RAX: variants seen among roughly 807,000 people sequenced by gnomAD.
RAX encodes retina and anterior neural fold homeobox, also known as retinal homeobox protein Rx.
RAX carries 11 observed loss-of-function variants against 17.4 expected under a neutral mutation model. That is an observed-to-expected ratio of 0.63 (90% confidence interval 0.40 to 1.05). RAX has a LOEUF of 1.05. Ranked by LOEUF, RAX falls within the 50% of genes least tolerant of loss-of-function variation. The pLI is 0.00. For synonymous variants in RAX, 276 were observed against 254.7 expected, an observed-to-expected ratio of 1.08 and a Z score of -0.80; for missense variants, 527 against 501.1, an observed-to-expected ratio of 1.05 and a Z score of -0.49.
In RAX at chr18:59,269,411, A is replaced by G; in HGVS notation, c.634T>C (p.Phe212Leu). The change falls in exon 3 of 3, where the codon TTC becomes CTC. Residue 212 changes from phenylalanine to leucine, a missense_variant. By Grantham distance (22) the Phe-to-Leu change is conservative (BLOSUM62 0). Coordinates refer to ENST00000334889, the MANE Select transcript of RAX (RefSeq NM_013435.3). Reference sequence around the variant, plus strand: ...GTCGCGGAGGGCGGGGAGCGGCTGAAGGAGAGGAGGGGCGAGTCCTGCAGC... The same window carrying G: ...GTCGCGGAGGGCGGGGAGCGGCTGAGGGAGAGGAGGGGCGAGTCCTGCAGC... ...MKLQDSPLLS[F>L]SRSPPSATLS... 3.8e-6 allele frequency: 6 copies of G among 1,559,956 alleles called. No homozygotes were observed. Among genetic ancestry groups the G allele is most frequent in the Non-Finnish European group, 5.2e-6 (6 of 1,161,370 alleles).
Position 59,269,182 on chromosome 18 carries a change from G to T in RAX, c.863C>A (p.Pro288Gln), listed in dbSNP as rs538022273. The stretch of plus-strand genomic sequence containing the variant: ...GAGAGGTTGCAGGCCGGGGCCCAAC[G>T]GCGGGGAGTTCAGGAAGGGCGGAGG... ...PPPPPFLNSP[P>Q]LGPGLQPLAP... Residue 288 changes from proline to glutamine, a missense_variant, in exon 3 of 3, where the codon CCG becomes CAG. Pro to Gln is a moderately conservative substitution (Grantham distance 76, BLOSUM62 -1). Transcript: ENST00000334889. 1,148 of 1,553,686 alleles carry T rather than the reference G, an allele frequency of 7.4e-4. No homozygotes were observed. Among genetic ancestry groups the T allele is most frequent in the Non-Finnish European group, 9.7e-4 (1,110 of 1,148,662 alleles).
chr18:59,270,178 G>C (rs1049729546), intron 2 of RAX, among the ~76,000 whole-genome samples: 3 of 152,146 alleles, frequency 2.0e-5, no homozygotes, highest in Non-Finnish European at 4.4e-5. Context: ...ATGATAACTA[G>C]ATAGGAGCAA....
At position 59,272,928 on chromosome 18, in the gene RAX, G is replaced by A. The variant is rs780219769; in HGVS notation, c.279C>T (p.Pro93=). ...PSPPPAPAPA[P]EYEAPRPYCP... ...GGGGTGCGCACTCACCTTCGTACTCGGGGGCGGGCGCCGGGGCTGGCGGCG... is the reference window on the plus strand; with the variant it reads ...GGGGTGCGCACTCACCTTCGTACTCAGGGGCGGGCGCCGGGGCTGGCGGCG... The change falls in exon 1 of 3, where the codon CCC becomes CCT. Residue 93 remains proline (P), a synonymous_variant. Coordinates refer to ENST00000334889, the MANE Select transcript of RAX (RefSeq NM_013435.3). 1.3e-5 allele frequency: 19 copies of A among 1,471,120 alleles called. No individual in the cohort carries two copies. The highest frequency in any genetic ancestry group is 1.6e-5 in the Non-Finnish European group (18 of 1,129,442). 91.1% of individuals were successfully genotyped at this position (1,471,120 alleles called of 1,614,324 possible).
At chr18:59,272,156 T>C (rs2070342634) in intron 2 of RAX, among the ~76,000 whole-genome samples, 1 of 152,216 alleles carries the variant, frequency 6.6e-6, no homozygotes, top group Non-Finnish European at 1.5e-5. Flanking sequence ...AAAGGGGAGC[T>C]CGTACTACAA....
In RAX at chr18:59,272,713, C is replaced by T; in HGVS notation, c.290-99G>A. On this transcript the variant is annotated intron_variant, in intron 1 of 2. Coordinates refer to ENST00000334889, the MANE Select transcript of RAX (RefSeq NM_013435.3). ...GCACTGGCCAGCCCGCCTGCGGGCT[C>T]CGAGATGGCCCGGGGAGGTCCGTGG... 6 of 1,451,986 alleles carry T rather than the reference C, an allele frequency of 4.1e-6. No individual in the cohort carries two copies. The Admixed American group carries it at 7.5e-5, about 18-fold the overall frequency. 89.9% of individuals were successfully genotyped at this position (1,451,986 alleles called of 1,614,324 possible).
In RAX at chr18:59,267,641, C is replaced by G. The variant is rs1033066465; in HGVS notation, c.*1363G>C. 1.4e-5 allele frequency: 2 copies of G among 148,106 alleles called. No individual in the cohort carries two copies. The highest frequency in any genetic ancestry group is 6.7e-5 in the Admixed American group (1 of 14,894). 9.2% of individuals were successfully genotyped at this position (148,106 alleles called of 1,614,324 possible). A position where few individuals can be genotyped will look rare whatever the true frequency, so the allele number is the denominator to read the frequency against. ...GGTTGTGGGGTGGACGCCCCCCCCC[C>G]CCCCGTGCCAGGACCTGTTGGCGGG... On this transcript the variant is annotated 3_prime_UTR_variant, in exon 3 of 3. Coordinates refer to ENST00000334889, the MANE Select transcript of RAX (RefSeq NM_013435.3).
Position 59,269,452 on chromosome 18 carries a change from T to C in RAX, c.593A>G (p.Glu198Gly). Residue 198 changes from glutamate (E) to glycine (G), a missense_variant, in exon 3 of 3, where the codon GAA becomes GGA. Physicochemically the swap from Glu to Gly is moderately conservative, Grantham distance 98. Transcript: ENST00000334889. Reference protein sequence around the residue: ...RAKWRRQEKLEVSSMKLQDSP... With the variant: ...RAKWRRQEKLGVSSMKLQDSP... Reference sequence around the variant, plus strand: ...GTCCTGCAGCTTCATGGAGGACACTTCCAGCTTCTCCTGCCGCCGCCACTT... The same window carrying C: ...GTCCTGCAGCTTCATGGAGGACACTCCCAGCTTCTCCTGCCGCCGCCACTT... 4.4e-6 allele frequency: 7 copies of C among 1,594,028 alleles called. No individual in the cohort carries two copies. Among genetic ancestry groups the C allele is most frequent in the Non-Finnish European group, 5.9e-6 (7 of 1,178,426 alleles).
At chr18:59,269,925 TC>T in intron 2 of RAX, among the ~76,000 whole-genome samples, 1 of 152,106 alleles carries the variant, frequency 6.6e-6, no homozygotes, top group African/African-American at 2.4e-5. Context: ...CGCAATCGAA[TC>T]GTAGAACTTT....
chr18:59,270,089 G>A (rs1214954297), intron 2 of RAX, among the ~76,000 whole-genome samples: 2 of 152,046 alleles, frequency 1.3e-5, no homozygotes, highest in Non-Finnish European at 2.9e-5. Flanking sequence ...TCTAAATACA[G>A]GTATAAATAA....
rs368705776 is a variant in RAX, at chr18:59,269,133, C to T, written c.912G>A (p.Pro304=). 1.9e-6 allele frequency: 3 copies of T among 1,604,688 alleles called. No homozygotes were observed. The highest frequency in any genetic ancestry group is 1.7e-5 in the Admixed American group (1 of 58,862). The change falls in exon 3 of 3, where the codon CCG becomes CCA. Residue 304 remains proline (P), a synonymous_variant. Transcript: ENST00000334889. ...QPLAPPPPSY[P]CGPGFGDKFP... Reference sequence around the variant, plus strand: ...ACTTGTCCCCGAAGCCGGGCCCGCACGGGTAGGAGGGCGGCGGCGGCGCGA... The same window carrying T: ...ACTTGTCCCCGAAGCCGGGCCCGCATGGGTAGGAGGGCGGCGGCGGCGCGA...
At chr18:59,272,754 G>T in intron 1 of RAX, 140 bp from the exon 2 acceptor site, 1 of 1,371,368 alleles carries the variant, frequency 7.3e-7, no homozygotes, top group Non-Finnish European at 9.6e-7. Context: ...GCGGCGATGG[G>T]TCCTAAGCTT....
chr18:59,267,773 T>C lies in RAX; in HGVS notation c.*1231A>G, dbSNP rs916579306. The C allele has an allele frequency of 1.4e-4, 22 of 152,230 alleles. No homozygotes were observed. The highest frequency in any genetic ancestry group is 5.1e-4 in the African/African-American group (21 of 41,498). 9.4% of individuals were successfully genotyped at this position (152,230 alleles called of 1,614,324 possible). On this transcript the variant is annotated 3_prime_UTR_variant, in exon 3 of 3. Transcript: ENST00000334889. ...TCCTTCTTCAGAGAGTCTCAGGAGATTGTGAAGCGGGCTGAGATTTCGAGA... is the reference window on the plus strand; with the variant it reads ...TCCTTCTTCAGAGAGTCTCAGGAGACTGTGAAGCGGGCTGAGATTTCGAGA...
chr18:59,272,239 G>C (rs2070343350), intron 2 of RAX, 122 bp downstream of exon 2: 5 of 1,348,696 alleles, frequency 3.7e-6, no homozygotes, highest in African/African-American at 1.4e-5. Context: ...GAGACTCTGG[G>C]CATGCCAAGT....
Position 59,268,941 on chromosome 18 carries a change from A to G in RAX, c.*63T>C, listed in dbSNP as rs1301465247. On this transcript the variant is annotated 3_prime_UTR_variant, in exon 3 of 3. Coordinates refer to ENST00000334889, the MANE Select transcript of RAX (RefSeq NM_013435.3). The surrounding 1 kb of genome is among the most constrained non-coding windows in gnomAD (Gnocchi z 4.4). ...GCTGGGGAGGGGGGTTGTCCCTGGG[A>G]GAGAGGATGCGGGTACGGTGCGGTC... 1.9e-6 allele frequency: 3 copies of G among 1,611,794 alleles called. No homozygotes were observed. Among genetic ancestry groups the G allele is most frequent in the Non-Finnish European group, 2.5e-6 (3 of 1,179,370 alleles).
Position 59,269,046 on chromosome 18 carries a change from C to T in RAX, c.999G>A (p.Lys333=). Residue 333 remains lysine, a synonymous_variant, in exon 3 of 3, where the codon AAG becomes AAA. Transcript: ENST00000334889. The stretch of plus-strand genomic sequence containing the variant: ...GCTTCCCGATGGCCTGGATGTGCTC[C>T]TTGGCTTTCAGACGCAGCGCCGCGA... The part of the protein sequence containing the change: ...SSIAALRLKA[K]EHIQAIGKPW... 1 of 1,613,042 alleles carries T rather than the reference C, an allele frequency of 6.2e-7. No homozygotes were observed. Among genetic ancestry groups the T allele is most frequent in the Non-Finnish European group, 8.5e-7 (1 of 1,179,848 alleles).
At position 59,269,127 on chromosome 18, in the gene RAX, C is replaced by A; in HGVS notation, c.918G>T (p.Gly306=). 9 of 1,606,658 alleles carry A rather than the reference C, an allele frequency of 5.6e-6. No homozygotes were observed. Among genetic ancestry groups the A allele is most frequent in the Non-Finnish European group, 7.6e-6 (9 of 1,176,930 alleles). The change falls in exon 3 of 3, where the codon GGG becomes GGT. Residue 306 remains glycine, a synonymous_variant. Transcript: ENST00000334889. The stretch of plus-strand genomic sequence containing the variant: ...GCGGGAACTTGTCCCCGAAGCCGGG[C>A]CCGCACGGGTAGGAGGGCGGCGGCG... ...LAPPPPSYPC[G]PGFGDKFPLD... is the part of the protein sequence containing the mutation.
At position 59,272,593 on chromosome 18, in the gene RAX, T is replaced by C. The variant is rs776070979; in HGVS notation, c.311A>G (p.Lys104Arg). ...EYEAPRPYCP[K>R]EPGEARPSPG... Reference sequence around the variant, plus strand: ...GCTCGGCCGTGCCTCCCCGGGCTCCTTGGGGCAGTAGGGTCGAGGGGCTGG... The same window carrying C: ...GCTCGGCCGTGCCTCCCCGGGCTCCCTGGGGCAGTAGGGTCGAGGGGCTGG... Residue 104 changes from lysine (K) to arginine (R), a missense_variant, in exon 2 of 3, where the codon AAG becomes AGG. Physicochemically the swap from Lys to Arg is conservative, Grantham distance 26. Coordinates refer to ENST00000334889, the MANE Select transcript of RAX (RefSeq NM_013435.3). 2.5e-6 allele frequency: 4 copies of C among 1,612,864 alleles called. No individual in the cohort carries two copies. The highest frequency in any genetic ancestry group is 1.1e-5 in the South Asian group (1 of 91,034).
chr18:59,272,409 G>T lies in RAX; in HGVS notation c.495C>A (p.Ser165Arg). 1.9e-6 allele frequency: 3 copies of T among 1,614,266 alleles called. No individual in the cohort carries two copies. Among genetic ancestry groups the T allele is most frequent in the Non-Finnish European group, 2.5e-6 (3 of 1,180,050 alleles). The change falls in exon 2 of 3, where the codon AGC becomes AGA. Residue 165 changes from serine (S) to arginine (R), a missense_variant. Physicochemically the swap from Ser to Arg is moderately radical, Grantham distance 110. Coordinates refer to ENST00000334889, the MANE Select transcript of RAX (RefSeq NM_013435.3). ...FEKSHYPDVY[S>R]REELAGKVNL... ...TGACCTTGCCGGCCAGCTCCTCGCG[G>T]CTGTACACGTCCGGGTAGTGGGACT... is the stretch of plus-strand genomic sequence containing the variant.
rs566924200 is a variant in RAX at position 59,273,385 on chromosome 18, T to C, written c.-179A>G. On this transcript the variant is annotated 5_prime_UTR_variant, in exon 1 of 3. Transcript: ENST00000334889. ...CCGAGCGCTCAGCCCGCTGCCGCCT[T>C]AGTCCCAGAAGTCGGAAGTTCGGGC... 1 of 664,852 alleles carries C rather than the reference T, an allele frequency of 1.5e-6. No individual in the cohort carries two copies. The highest frequency in any genetic ancestry group is 3.2e-5 in the East Asian group (1 of 31,260). The allele number at this position is 664,852 out of a possible 1,614,324, so 41.2% of individuals were successfully genotyped here. A position where few individuals can be genotyped will look rare whatever the true frequency, so the allele number is the denominator to read the frequency against.
Sources: gnomAD v4.1 joint callset for allele counts (sites outside exome capture counted in the v4.1 genomes callset) on GRCh38, gnomAD v4.1.1 for gene constraint, Gnocchi (gnomAD v3.1) non-coding constraint, MANE v1.5 for transcripts, NCBI Gene and HGNC (gene_info 2026-07-23, HGNC 2026-07-21) for gene names.